The following GSAP variants were observed in gnomAD, a reference collection of about 807,000 sequenced individuals.
GSAP encodes the protein gamma-secretase-activating protein.
A neutral mutation model predicts 131.7 loss-of-function variants in GSAP; 118 were observed. That is an observed-to-expected ratio of 0.90 (90% CI 0.77 to 1.04). The LOEUF is 1.04. Among genes scored for constraint, GSAP ranks in the 50% least tolerant of loss-of-function variants. The pLI is 0.00. For synonymous variants in GSAP, 381 were observed against 363.4 expected (o/e 1.05, Z -0.55); for missense variants, 1,019 against 1,013.2 (o/e 1.01, Z -0.08).
chr7:77,327,764 A>T (rs1380429024), intron 22 of GSAP, among the ~76,000 whole-genome samples: 1 of 152,048 alleles, frequency 6.6e-6, no homozygotes, highest in Non-Finnish European at 1.5e-5. Flanking sequence ...CCCTTTGTTT[A>T]TCAAGACTTA....
intron 5 of GSAP, among the ~76,000 whole-genome samples, chr7:77,391,641 T>G (rs932795980): frequency 6.6e-6 from 1 of 150,912 alleles, no homozygotes; most frequent in Non-Finnish European, 1.5e-5. Flanking sequence ...CTGGGCAACA[T>G]AGTGAAACCC....
intron 14 of GSAP, among the ~76,000 whole-genome samples, chr7:77,356,356 T>A (rs1793728843): frequency 6.6e-6 from 1 of 152,222 alleles, no homozygotes; most frequent in Non-Finnish European, 1.5e-5. Context: ...AATTATTCCT[T>A]AATTTGATAA....
rs868233756 is a variant in GSAP at position 77,377,493 on chromosome 7, A to G, written c.577-103T>C. ...TTTTCCATGTCTATCTTTATGATAC[A>G]TGTAAATATTTCCACAGTTCACTGT... On this transcript the variant is annotated intron_variant, in intron 8 of 30. Coordinates refer to ENST00000257626, the MANE Select transcript of GSAP (RefSeq NM_017439.4). 1.5e-5 allele frequency: 19 copies of G among 1,305,456 alleles called. No homozygotes were observed. In the Middle Eastern group the frequency reaches 7.3e-4, roughly 50 times the overall value. 80.9% of individuals were successfully genotyped at this position (1,305,456 alleles called of 1,614,324 possible).
chr7:77,415,339 T>G (rs1049864338), intron 1 of GSAP, among the ~76,000 whole-genome samples: 1 of 152,240 alleles, frequency 6.6e-6, no homozygotes, highest in African/African-American at 2.4e-5. Flanking sequence ...GACAGCGCCC[T>G]ACACACAAGG....
At chr7:77,353,955 G>A (rs113026791) in intron 16 of GSAP, among the ~76,000 whole-genome samples, 33 of 152,280 alleles carry the variant, frequency 2.2e-4, no homozygotes, top group African/African-American at 7.7e-4. Flanking sequence ...GGAAAGAGCC[G>A]TGGGATACAG....
At chr7:77,407,626 T>G (rs1376548795) in intron 1 of GSAP, among the ~76,000 whole-genome samples, 2 of 152,228 alleles carry the variant, frequency 1.3e-5, no homozygotes, top group East Asian at 1.9e-4. Context: ...CCTTGACTTA[T>G]TATGTTTTAG....
chr7:77,323,810 G>A (rs1443495644), intron 23 of GSAP, 68 bp from the exon 24 acceptor site: 7 of 655,264 alleles, frequency 1.1e-5, no homozygotes, highest in Non-Finnish European at 1.9e-5. Context: ...GTTTGAATTA[G>A]ATCCACTTAT....
At chr7:77,341,175 T>C (rs1343220764) in intron 19 of GSAP, among the ~76,000 whole-genome samples, 1 of 152,136 alleles carries the variant, frequency 6.6e-6, no homozygotes, top group Non-Finnish European at 1.5e-5. Context: ...CTTCCAGGCA[T>C]TCTTCTACAC....
In GSAP at chr7:77,355,355, C is replaced by A; in HGVS notation, c.1196G>T (p.Cys399Phe). The part of the protein sequence containing the change: ...SLSGSLVLDC[C>F]SGKLYRALLS... The stretch of plus-strand genomic sequence containing the variant: ...CAGTGCTCTATAGAGCTTTCCAGAA[C>A]AACAATCCAATACCAGGGACCCTGA... The change falls in exon 16 of 31, where the codon TGT becomes TTT. Residue 399 changes from cysteine (C) to phenylalanine (F), a missense_variant. Cys to Phe is a radical substitution (Grantham distance 205). Transcript: ENST00000257626. The A allele has an allele frequency of 6.2e-7, 1 of 1,610,710 alleles. No homozygotes were observed. Among genetic ancestry groups the A allele is most frequent in the Non-Finnish European group, 8.5e-7 (1 of 1,179,016 alleles).
chr7:77,390,863 C>T (rs1465005194), intron 5 of GSAP, among the ~76,000 whole-genome samples: 5 of 145,298 alleles, frequency 3.4e-5, no homozygotes, highest in African/African-American at 1.3e-4. Flanking sequence ...GCAGGAGACT[C>T]GCTTGAAACC....
chr7:77,410,330 C>T (rs1459690040), intron 1 of GSAP, among the ~76,000 whole-genome samples: 1 of 152,142 alleles, frequency 6.6e-6, no homozygotes, highest in African/African-American at 2.4e-5. Context: ...TACTATTAAG[C>T]CATCGGCTCT....
At chr7:77,395,117 T>G (rs1373705853) in intron 5 of GSAP, among the ~76,000 whole-genome samples, 3 of 152,226 alleles carry the variant, frequency 2.0e-5, no homozygotes, top group Non-Finnish European at 4.4e-5. Flanking sequence ...ATAATCTACA[T>G]AATCATAAAG....
intron 5 of GSAP, among the ~76,000 whole-genome samples, chr7:77,396,680 T>C (rs1800449824): frequency 6.6e-6 from 1 of 152,198 alleles, no homozygotes; most frequent in Admixed American, 6.5e-5. Context: ...TGACTTTCCC[T>C]ATCTTTTATA....
intron 5 of GSAP, among the ~76,000 whole-genome samples, chr7:77,392,695 C>A (rs1799778125): frequency 6.6e-6 from 1 of 152,120 alleles, no homozygotes; most frequent in Admixed American, 6.5e-5. Flanking sequence ...GAGCAAAAGA[C>A]CATGGTGTGA....
Position 77,396,994 on chromosome 7 carries a change from C to T in GSAP, c.355G>A (p.Glu119Lys), listed in dbSNP as rs373881232. 80 of 1,597,912 alleles carry T rather than the reference C, an allele frequency of 5.0e-5. No individual in the cohort carries two copies. In the African/African-American group the frequency reaches 6.7e-4, roughly 13 times the overall value. Reference sequence around the variant, plus strand: ...GTAATTTCATTACCTGGTTGAAGTTCGTTCCTTTTTCCTTCTTTAGTAGAC... The same window carrying T: ...GTAATTTCATTACCTGGTTGAAGTTTGTTCCTTTTTCCTTCTTTAGTAGAC... The part of the protein sequence containing the change: ...VQSTKEGKRN[E>K]LQPGSKCLTL... The change falls in exon 5 of 31, where the codon GAA becomes AAA. Residue 119 changes from glutamate to lysine, a missense_variant. Transcript: ENST00000257626.
rs534636224 is a variant in GSAP, at chr7:77,330,893, C to T, written c.1546-526G>A. 2.2e-5 allele frequency: 21 copies of T among 968,950 alleles called. No individual in the cohort carries two copies. The African/African-American group carries it at 3.7e-4, about 17-fold the overall frequency. The allele number at this position is 968,950 out of a possible 1,614,324, so 60.0% of individuals were successfully genotyped here. The stretch of plus-strand genomic sequence containing the variant: ...AAAATGAACTAATTTTACATTGTCA[C>T]ATACACCAAAACAGAATTAGTCAGC... On this transcript the variant is annotated intron_variant, in intron 19 of 30. Transcript: ENST00000257626.
chr7:77,372,735 T>C (rs1796317204), intron 12 of GSAP, among the ~76,000 whole-genome samples: 1 of 152,228 alleles, frequency 6.6e-6, no homozygotes, highest in Non-Finnish European at 1.5e-5. Context: ...ATAAATTGTA[T>C]AGTAACAAAA....
intron 21 of GSAP, 44 bp from the exon 22 acceptor site, chr7:77,328,681 T>C (rs753784075): frequency 8.5e-7 from 1 of 1,174,320 alleles, no homozygotes; most frequent in Non-Finnish European, 1.3e-6. Context: ...GCATTGCTTT[T>C]AAAAAATTTA....
chr7:77,379,146 T>G (rs1797419399), intron 8 of GSAP, among the ~76,000 whole-genome samples: 1 of 151,978 alleles, frequency 6.6e-6, no homozygotes, highest in African/African-American at 2.4e-5. Context: ...TGAGTTGGAG[T>G]AGATCTGAGA....
Sources: gnomAD v4.1 joint callset for allele counts (sites outside exome capture counted in the v4.1 genomes callset) on GRCh38, gnomAD v4.1.1 for gene constraint, MANE v1.5 for transcripts, NCBI Gene and HGNC (gene_info 2026-07-23, HGNC 2026-07-21) for gene names.